Variants in CC2D2A observed in about 807,000 individuals in gnomAD.
The protein encoded by CC2D2A is coiled-coil and C2 domain-containing protein 2A.
Under a neutral mutation model 212.9 loss-of-function variants are expected in CC2D2A, and 155 were observed. That is an observed-to-expected ratio of 0.73 (90% CI 0.64 to 0.83). The LOEUF (loss-of-function observed/expected upper bound fraction) is 0.83, where lower values mean the gene tolerates loss of function less well. Among genes scored for constraint, CC2D2A ranks in the 40% least tolerant of loss-of-function variants. CC2D2A has a pLI of 0.00. For synonymous variants in CC2D2A, 667 were observed against 686.5 expected, an observed-to-expected ratio of 0.97 and a Z score of 0.44; for missense variants, 1,856 against 1,956.2, an observed-to-expected ratio of 0.95 and a Z score of 0.97.
intron 2 of CC2D2A, among the ~76,000 whole-genome samples, chr4:15,477,687 A>G (rs773079576): frequency 2.0e-5 from 3 of 152,202 alleles, no homozygotes; most frequent in African/African-American, 7.2e-5. Context: ...GAAGGAGTCC[A>G]GAGTGAGGAT....
intron 36 of CC2D2A, among the ~76,000 whole-genome samples, chr4:15,600,129 A>G (rs775050840): frequency 3.3e-5 from 5 of 152,214 alleles, no homozygotes; most frequent in African/African-American, 4.8e-5. Flanking sequence ...TTCACATGCT[A>G]TAGCTGGATA....
intron 16 of CC2D2A, 117 bp from the exon 17 acceptor site, chr4:15,540,720 A>G (rs1718382387): frequency 2.2e-6 from 2 of 905,706 alleles, no homozygotes; most frequent in Admixed American, 2.4e-5. Context: ...GAGGGCTGAC[A>G]TGATTGGGAG....
chr4:15,516,072 A>G (rs1320560672), intron 10 of CC2D2A, 68 bp downstream of exon 10: 2 of 1,421,814 alleles, frequency 1.4e-6, no homozygotes, highest in East Asian at 2.5e-5. Context: ...TTTTCCTAAC[A>G]GGGCAGTCAT....
At chr4:15,493,386 C>T (rs1418477748) in intron 4 of CC2D2A, among the ~76,000 whole-genome samples, 1 of 151,982 alleles carries the variant, frequency 6.6e-6, no homozygotes, top group Non-Finnish European at 1.5e-5. Context: ...TCCCACCTCA[C>T]CTAGCTAATT....
chr4:15,531,119 G>A (rs1168669990), intron 13 of CC2D2A, among the ~76,000 whole-genome samples: 5 of 152,048 alleles, frequency 3.3e-5, no homozygotes, highest in East Asian at 1.9e-4. Flanking sequence ...CCAAACACCA[G>A]GAAAACATTT....
Position 15,574,272 on chromosome 4 carries a change from C to G in CC2D2A, c.3717C>G (p.Thr1239=). The G allele has an allele frequency of 1.3e-6, 2 of 1,551,504 alleles. No homozygotes were observed. Among genetic ancestry groups the G allele is most frequent in the South Asian group, 1.2e-5 (1 of 84,050 alleles). The change falls in exon 29 of 37, where the codon ACC becomes ACG. Residue 1239 remains threonine (T), a synonymous_variant. Coordinates refer to ENST00000424120, the MANE Select transcript of CC2D2A (RefSeq NM_001378615.1). ...VRSLSEGSYI[T]LFITIEPQLV... Reference sequence around the variant, plus strand: ...GCTTAAGTGAAGGCTCCTACATTACCCTCTTTATTACCATTGAGCCCCAGC... The same window carrying G: ...GCTTAAGTGAAGGCTCCTACATTACGCTCTTTATTACCATTGAGCCCCAGC...
chr4:15,499,204 T>A (rs1289624484), intron 4 of CC2D2A, among the ~76,000 whole-genome samples: 1 of 152,178 alleles, frequency 6.6e-6, no homozygotes, highest in Non-Finnish European at 1.5e-5. Context: ...ATTATAAGCT[T>A]TATCCAAATC....
At chr4:15,471,035 CAT>C (rs1463743230) in intron 1 of CC2D2A, among the ~76,000 whole-genome samples, 1 of 152,032 alleles carries the variant, frequency 6.6e-6, no homozygotes, top group Non-Finnish European at 1.5e-5. Context: ...ATATGGTACT[CAT>C]GTGTACTCTT....
At position 15,495,873 on chromosome 4, in the gene CC2D2A, C is replaced by A. The variant is rs188130269; in HGVS notation, c.248-6556C>A. On this transcript the variant is annotated intron_variant, in intron 4 of 36. Coordinates refer to ENST00000424120, the MANE Select transcript of CC2D2A (RefSeq NM_001378615.1). ...TCACAGTGTATAACAGTTCCCTTTT[C>A]TCCTCAACTTTGCCAGCATCTGTTA... 1.4e-3 allele frequency among the ~76,000 whole-genome samples: 218 copies of A among 152,310 alleles called. 5 individuals carry two copies. The South Asian group carries it at 0.044, about 31-fold the overall frequency.
intron 3 of CC2D2A, 46 bp downstream of exon 3, chr4:15,478,852 C>T (rs1462742370): frequency 2.8e-6 from 4 of 1,434,162 alleles, no homozygotes; most frequent in Non-Finnish European, 2.9e-6. Flanking sequence ...CATTGATCAA[C>T]AACCCGCCTG....
intron 33 of CC2D2A, 111 bp from the exon 34 acceptor site, chr4:15,595,974 T>C: frequency 1.5e-6 from 1 of 677,592 alleles, no homozygotes; most frequent in Non-Finnish European, 2.2e-6. Flanking sequence ...GCGGCCTATA[T>C]GAACACTTGC....
At chr4:15,536,683 C>G (rs753799175) in intron 14 of CC2D2A, among the ~76,000 whole-genome samples, 39 of 152,128 alleles carry the variant, frequency 2.6e-4, no homozygotes, top group Non-Finnish European at 5.0e-4. Context: ...ATATTCAGCC[C>G]TTCCACTCAC....
chr4:15,473,059 G>A (rs1018882797), intron 1 of CC2D2A, among the ~76,000 whole-genome samples: 1 of 152,212 alleles, frequency 6.6e-6, no homozygotes, highest in African/African-American at 2.4e-5. Context: ...AGAAGAAACA[G>A]TGGAGCTTTA....
chr4:15,501,098 T>C (rs150131920), intron 4 of CC2D2A, among the ~76,000 whole-genome samples: 38 of 152,312 alleles, frequency 2.5e-4, no homozygotes, highest in African/African-American at 6.3e-4. Flanking sequence ...CTTATTTCTC[T>C]ATAGCGGGGT....
At position 15,529,953 on chromosome 4, in the gene CC2D2A, T is replaced by C. The variant is rs190933723; in HGVS notation, c.1466+1227T>C. Among the ~76,000 whole-genome samples, 28 of 151,384 alleles carry C rather than the reference T, an allele frequency of 1.8e-4. 1 individual carries two copies. The East Asian group carries it at 4.6e-3, about 25-fold the overall frequency. ...ACATGTGCACAACGTGCAGGTTTGT[T>C]ACATACGCATTTCTTTTTTATTTTT... On this transcript the variant is annotated intron_variant, in intron 13 of 36. Transcript: ENST00000424120.
chr4:15,492,515 T>G (rs1715363689), intron 4 of CC2D2A, among the ~76,000 whole-genome samples: 2 of 134,476 alleles, frequency 1.5e-5, no homozygotes, highest in African/African-American at 7.3e-5. Flanking sequence ...TTTGTTTGGT[T>G]TTTTTTTTTG....
intron 1 of CC2D2A, among the ~76,000 whole-genome samples, chr4:15,474,485 A>G (rs1297184751): frequency 6.7e-6 from 1 of 149,020 alleles, no homozygotes; most frequent in Non-Finnish European, 1.5e-5. Flanking sequence ...TAATGGATAC[A>G]AAAAAAAAAT....
At position 15,533,288 on chromosome 4, in the gene CC2D2A, A is replaced by G; in HGVS notation, c.1562A>G (p.Glu521Gly). 6.3e-7 allele frequency: 1 copy of G among 1,593,298 alleles called. No homozygotes were observed. The highest frequency in any genetic ancestry group is 8.5e-7 in the Non-Finnish European group (1 of 1,171,030). Residue 521 changes from glutamate to glycine, a missense_variant, in exon 14 of 37, where the codon GAG (glutamate) becomes GGG (glycine). By Grantham distance (98) the Glu-to-Gly change is moderately conservative. Coordinates refer to ENST00000424120, the MANE Select transcript of CC2D2A (RefSeq NM_001378615.1). ...KVWKEMKSLR[E>G]FQRFTNTPLK... ...TGGAAAGAGATGAAATCCCTTCGAGAGTTCCAGAGATTTACAAATACTCCC... is the reference window on the plus strand; with the variant it reads ...TGGAAAGAGATGAAATCCCTTCGAGGGTTCCAGAGATTTACAAATACTCCC...
intron 4 of CC2D2A, 65 bp downstream of exon 4, chr4:15,480,892 A>G: frequency 6.5e-7 from 1 of 1,539,564 alleles, no homozygotes; most frequent in Non-Finnish European, 8.8e-7. Context: ...AGCACAGAGC[A>G]GTATAGGGAT....
Sources: gnomAD v4.1 joint callset for allele counts (sites outside exome capture counted in the v4.1 genomes callset) on GRCh38, gnomAD v4.1.1 for gene constraint, MANE v1.5 for transcripts, NCBI Gene and HGNC (gene_info 2026-07-23, HGNC 2026-07-21) for gene names.